The following VWDE variants were observed in gnomAD, a reference collection of about 807,000 sequenced individuals.
The protein encoded by VWDE is von Willebrand factor D and EGF domains, also known as von Willebrand factor D and EGF domain-containing protein.
A neutral mutation model predicts 178.4 loss-of-function variants in VWDE; 207 were observed. That is an observed-to-expected ratio of 1.16 (90% CI 1.04 to 1.30). The LOEUF (loss-of-function observed/expected upper bound fraction) is 1.30. VWDE is among the 50% of genes most tolerant of loss of function. The pLI is 0.00. For missense variants in VWDE, 2,287 were observed against 1,901.3 expected, an observed-to-expected ratio of 1.20 and a Z score of -3.77; for synonymous variants, 738 against 651.4, an observed-to-expected ratio of 1.13 and a Z score of -2.02.
At chr7:12,376,217 T>A (rs958276968) in intron 7 of VWDE, among the ~76,000 whole-genome samples, 1 of 152,008 alleles carries the variant, frequency 6.6e-6, no homozygotes, top group African/African-American at 2.4e-5. Context: ...GCCCATAACA[T>A]CCATTCCTCA....
At chr7:12,354,208 G>T in intron 18 of VWDE, 1 of 273,102 alleles carries the variant, frequency 3.7e-6, no homozygotes, top group Non-Finnish European at 7.2e-6. Context: ...ATATATTTTT[G>T]CATCCTTTGT....
At chr7:12,384,180 T>C (rs962592706) in intron 3 of VWDE, among the ~76,000 whole-genome samples, 8 of 152,114 alleles carry the variant, frequency 5.3e-5, no homozygotes, top group Admixed American at 1.3e-4. Flanking sequence ...TTAAAAAGAA[T>C]TGAGCTATCA....
In VWDE at chr7:12,376,602, C is replaced by T. The variant is rs1048793365; in HGVS notation, c.1024+1174G>A. Among the ~76,000 whole-genome samples, 27 of 152,072 alleles carry T rather than the reference C, an allele frequency of 1.8e-4. 1 individual carries two copies. Among genetic ancestry groups the T allele is most frequent in the African/African-American group, 6.5e-4 (27 of 41,436 alleles). ...ACATGATTTTGGAAAACATCAATAA[C>T]ATCATCCTCTTTCTGTTCTCTCCAT... On this transcript the variant is annotated intron_variant, in intron 7 of 28. Coordinates refer to ENST00000275358, the MANE Select transcript of VWDE (RefSeq NM_001135924.3).
At chr7:12,383,645 A>T in intron 3 of VWDE, 44 bp from the exon 4 acceptor site, 3 of 1,464,684 alleles carry the variant, frequency 2.0e-6, no homozygotes, top group Non-Finnish European at 2.8e-6. Context: ...CTGGGCATGA[A>T]GATATACATC....
chr7:12,345,168 C>T (rs1346644382), intron 19 of VWDE, among the ~76,000 whole-genome samples: 2 of 151,828 alleles, frequency 1.3e-5, no homozygotes, highest in Non-Finnish European at 2.9e-5. Flanking sequence ...AGTTGTAATA[C>T]TCTATAATAT....
At chr7:12,391,075 T>C (rs1467666690) in intron 2 of VWDE, among the ~76,000 whole-genome samples, 1 of 152,098 alleles carries the variant, frequency 6.6e-6, no homozygotes, top group Non-Finnish European at 1.5e-5. Context: ...AATAGGAAAA[T>C]GATAATGCTA....
At chr7:12,362,681 C>T (rs1012846127) in intron 13 of VWDE, among the ~76,000 whole-genome samples, 1 of 152,024 alleles carries the variant, frequency 6.6e-6, no homozygotes, top group African/African-American at 2.4e-5. Flanking sequence ...TATTGTGGGT[C>T]AGCAGGAAAG....
Position 12,370,441 on chromosome 7 carries a change from T to C in VWDE, c.1865A>G (p.Tyr622Cys), listed in dbSNP as rs1783121136. 4 of 1,544,050 alleles carry C rather than the reference T, an allele frequency of 2.6e-6. No homozygotes were observed. The highest frequency in any genetic ancestry group is 3.5e-6 in the Non-Finnish European group (4 of 1,146,708). The change falls in exon 12 of 29, where the codon TAT becomes TGT. Residue 622 changes from tyrosine to cysteine, a missense_variant. Coordinates refer to ENST00000275358, the MANE Select transcript of VWDE (RefSeq NM_001135924.3). ...TGCAGTGTCCAATGAACAGCTACAA[T>C]AGGATGGCTTTCCAGGTGATGTCAT... Reference protein sequence around the residue: ...VSMTSPGKPSYCSCSLDTAAY... With the variant: ...VSMTSPGKPSCCSCSLDTAAY...
chr7:12,370,657 T>A lies in VWDE; in HGVS notation c.1795A>T (p.Arg599Trp), dbSNP rs1398978864. The change falls in exon 11 of 29, where the codon AGG becomes TGG. Residue 599 changes from arginine (R) to tryptophan (W), a missense_variant and splice_region_variant. Physicochemically the swap from Arg to Trp is moderately radical, Grantham distance 101. Coordinates refer to ENST00000275358, the MANE Select transcript of VWDE (RefSeq NM_001135924.3). The part of the protein sequence containing the change: ...NNYVAFINEW[R>W]ILPGKSMSDT... ...GCAAGTGGAAAAATAGTGTCTTACCTCCATTCATTAATAAAAGCAACATAA... is the reference window on the plus strand; with the variant it reads ...GCAAGTGGAAAAATAGTGTCTTACCACCATTCATTAATAAAAGCAACATAA... 1 of 1,550,418 alleles carries A rather than the reference T, an allele frequency of 6.4e-7. No homozygotes were observed. The highest frequency in any genetic ancestry group is 8.7e-7 in the Non-Finnish European group (1 of 1,146,356).
chr7:12,399,722 C>T (rs1035294600), intron 1 of VWDE, among the ~76,000 whole-genome samples: 2 of 152,078 alleles, frequency 1.3e-5, no homozygotes, highest in Non-Finnish European at 2.9e-5. Flanking sequence ...TGGTATGTTC[C>T]TATAAACCCA....
chr7:12,384,189 C>T (rs922026447), intron 3 of VWDE, among the ~76,000 whole-genome samples: 6 of 151,566 alleles, frequency 4.0e-5, no homozygotes, highest in Non-Finnish European at 5.9e-5. Flanking sequence ...ATTGAGCTAT[C>T]AAGCCACAAA....
chr7:12,336,276 C>G, intron 26 of VWDE, 40 bp from the exon 27 acceptor site: 1 of 1,502,622 alleles, frequency 6.7e-7, no homozygotes, highest in Non-Finnish European at 9.0e-7. Flanking sequence ...TTTTAAATTA[C>G]TAGTCAAATC....
In VWDE at chr7:12,340,302, T is replaced by A. The variant is rs914669049; in HGVS notation, c.4366+20A>T. On this transcript the variant is annotated intron_variant, in intron 24 of 28. Transcript: ENST00000275358. ...TAACTTTCCATTTGCCCTTTTTACA[T>A]ACAAAGAAAGAATAATTACCATTCT... 6 of 1,531,824 alleles carry A rather than the reference T, an allele frequency of 3.9e-6. No homozygotes were observed. The African/African-American group carries it at 5.5e-5, about 14-fold the overall frequency. The allele number at this position is 1,531,824 out of a possible 1,614,324, so 94.9% of individuals were successfully genotyped here. A position where few individuals can be genotyped will look rare whatever the true frequency, so the allele number is the denominator to read the frequency against.
chr7:12,351,651 T>C lies in VWDE; in HGVS notation c.3808A>G (p.Ser1270Gly). ...QTVVLTRSDK[S>G]VNKEEDDKNA... The stretch of plus-strand genomic sequence containing the variant: ...TTATCATCCTCTTCTTTATTTACAC[T>C]TTTATCAGATCTTGTGAGAACCACA... The change falls in exon 19 of 29, where the codon AGT (serine) becomes GGT (glycine). Residue 1270 changes from serine (S) to glycine (G), a missense_variant. Physicochemically the swap from Ser to Gly is moderately conservative, Grantham distance 56. Transcript: ENST00000275358. 1 of 1,550,444 alleles carries C rather than the reference T, an allele frequency of 6.4e-7. No individual in the cohort carries two copies. Among genetic ancestry groups the C allele is most frequent in the Non-Finnish European group, 8.7e-7 (1 of 1,146,380 alleles).
At chr7:12,387,193 A>G (rs1036399655) in intron 3 of VWDE, among the ~76,000 whole-genome samples, 43 of 152,300 alleles carry the variant, frequency 2.8e-4, no homozygotes, top group Non-Finnish European at 2.8e-4. Flanking sequence ...TTCTATAATC[A>G]TGTAAAGTAG....
intron 6 of VWDE, 92 bp downstream of exon 6, chr7:12,379,385 A>G: frequency 1.2e-6 from 1 of 814,206 alleles, no homozygotes; most frequent in Non-Finnish European, 1.8e-6. Flanking sequence ...TCAGTCTGTG[A>G]TGAGGTACAG....
rs1214038463 is a variant in VWDE at position 12,372,972 on chromosome 7, C to A, written c.1587+5G>T. ...ATACTTTCAATGTTAAAGAATCATA[C>A]ATACTGTGACTTTTCTTCCTAAGTA... On this transcript the variant is annotated splice_donor_5th_base_variant and intron_variant, in intron 10 of 28. Coordinates refer to ENST00000275358, the MANE Select transcript of VWDE (RefSeq NM_001135924.3). 1 of 1,550,256 alleles carries A rather than the reference C, an allele frequency of 6.5e-7. No homozygotes were observed. The highest frequency in any genetic ancestry group is 8.7e-7 in the Non-Finnish European group (1 of 1,146,196).
At chr7:12,401,921 A>T (rs969061514) in intron 1 of VWDE, among the ~76,000 whole-genome samples, 2 of 152,238 alleles carry the variant, frequency 1.3e-5, no homozygotes, top group African/African-American at 4.8e-5. Context: ...ATGTACATAC[A>T]AAATATAGTA....
At chr7:12,403,502 A>G (rs7796334) in intron 1 of VWDE, among the ~76,000 whole-genome samples, 157 bp downstream of exon 1, 29,905 of 152,278 alleles carry the variant, frequency 0.2, 4,181 homozygotes, top group African/African-American at 0.4. Context: ...CAAAGACAGC[A>G]GAGGGACAGA....
Sources: gnomAD v4.1 joint callset for allele counts (sites outside exome capture counted in the v4.1 genomes callset) on GRCh38, gnomAD v4.1.1 for gene constraint, MANE v1.5 for transcripts, NCBI Gene and HGNC (gene_info 2026-07-23, HGNC 2026-07-21) for gene names.